Variants in BTLA observed in about 807,000 individuals in gnomAD.
The protein encoded by BTLA is B- and T-lymphocyte attenuator.
In BTLA, 11 loss-of-function variants were observed where a neutral mutation model predicts 25.0. The observed-to-expected ratio is 0.44, with a 90% CI of 0.28 to 0.73. The LOEUF is 0.73. BTLA is among the 30% of genes least tolerant of loss of function. BTLA has a pLI of 0.15. For synonymous variants in BTLA, 104 were observed against 119.8 expected (o/e 0.87, Z 0.86); for missense variants, 282 against 332.8 (o/e 0.85, Z 1.19).
At chr3:112,494,298 C>T (rs2082397096) in intron 1 of BTLA, among the ~76,000 whole-genome samples, 1 of 152,150 alleles carries the variant, frequency 6.6e-6, no homozygotes, top group Admixed American at 6.5e-5. Flanking sequence ...AATGCTTTTA[C>T]ACGGTTGGTG....
At chr3:112,483,505 T>C (rs531021807) in intron 1 of BTLA, among the ~76,000 whole-genome samples, 22 of 152,246 alleles carry the variant, frequency 1.4e-4, no homozygotes, top group Non-Finnish European at 1.8e-4. Flanking sequence ...TACCAGTCTT[T>C]ATTTCTTTCA....
At chr3:112,495,116 A>C (rs898831152) in intron 1 of BTLA, among the ~76,000 whole-genome samples, 9 of 152,344 alleles carry the variant, frequency 5.9e-5, no homozygotes, top group Admixed American at 1.3e-4. Context: ...AATTCACTTA[A>C]TAGTCACAAC....
chr3:112,486,053 C>A (rs868165550), intron 1 of BTLA, among the ~76,000 whole-genome samples: 1 of 152,310 alleles, frequency 6.6e-6, no homozygotes, highest in South Asian at 2.1e-4. Context: ...CGAGGCGGAG[C>A]TTCCAATGAG....
intron 1 of BTLA, among the ~76,000 whole-genome samples, chr3:112,486,232 T>G (rs1371613603): frequency 2.6e-5 from 4 of 152,210 alleles, no homozygotes; most frequent in Non-Finnish European, 5.9e-5. Context: ...TGTTTAAAAT[T>G]TTTATCAAAA....
chr3:112,488,155 C>T (rs557108854), intron 1 of BTLA, among the ~76,000 whole-genome samples: 1 of 152,246 alleles, frequency 6.6e-6, no homozygotes, highest in South Asian at 2.1e-4. Context: ...CTTCTACATT[C>T]CAAACTTGGC....
chr3:112,471,850 T>C (rs754024452), intron 2 of BTLA, among the ~76,000 whole-genome samples: 1 of 152,186 alleles, frequency 6.6e-6, no homozygotes, highest in Non-Finnish European at 1.5e-5. Context: ...TCTCCAAATA[T>C]CAAATACTTT....
chr3:112,497,027 C>T (rs2082413066), intron 1 of BTLA, among the ~76,000 whole-genome samples: 1 of 152,180 alleles, frequency 6.6e-6, no homozygotes, highest in African/African-American at 2.4e-5. Flanking sequence ...GGCTCCCAGC[C>T]ATATTTCATT....
At chr3:112,498,112 C>A (rs767922313) in intron 1 of BTLA, among the ~76,000 whole-genome samples, 2 of 152,094 alleles carry the variant, frequency 1.3e-5, no homozygotes, top group African/African-American at 4.8e-5. Context: ...CTACTTCTTG[C>A]GAAAATGCTC....
In BTLA at chr3:112,499,435, G is replaced by A. The variant is rs1434355304; in HGVS notation, c.-77C>T. 1.0e-5 allele frequency: 13 copies of A among 1,244,142 alleles called. No individual in the cohort carries two copies. The Admixed American group carries it at 2.7e-4, about 25-fold the overall frequency. The allele number at this position is 1,244,142 out of a possible 1,614,324, so 77.1% of individuals were successfully genotyped here. On this transcript the variant is annotated 5_prime_UTR_variant, in exon 1 of 5. Coordinates refer to ENST00000334529, the MANE Select transcript of BTLA (RefSeq NM_181780.4). Reference sequence around the variant, plus strand: ...CGTCTTCTGAGTGCTGCAGAGTTGGGTCAGTTTACCTACCCCAGTGGCATC... The same window carrying A: ...CGTCTTCTGAGTGCTGCAGAGTTGGATCAGTTTACCTACCCCAGTGGCATC...
intron 1 of BTLA, among the ~76,000 whole-genome samples, chr3:112,496,001 A>G (rs1365324871): frequency 3.9e-5 from 6 of 152,200 alleles, no homozygotes; most frequent in Non-Finnish European, 7.3e-5. Flanking sequence ...CCAGACTAGG[A>G]TTGCTTTTTT....
intron 1 of BTLA, among the ~76,000 whole-genome samples, chr3:112,489,518 AGT>A (rs966057391): frequency 6.6e-6 from 1 of 152,254 alleles, no homozygotes; most frequent in African/African-American, 2.4e-5. Flanking sequence ...GAAACTTCAA[AGT>A]GGTTGCAACC....
intron 1 of BTLA, among the ~76,000 whole-genome samples, chr3:112,495,943 ACTGTATT>A (rs2082406809): frequency 6.6e-6 from 1 of 152,166 alleles, no homozygotes; most frequent in South Asian, 2.1e-4. Flanking sequence ...AGCCCTAACC[ACTGTATT>A]CTCAAAAGAG....
rs558570090 is a variant in BTLA at position 112,469,865 on chromosome 3, C to T, written c.548-61G>A. The stretch of plus-strand genomic sequence containing the variant: ...AGTAAAGAAAGCAGAAGTAAACCAC[C>T]TTGCCACCCATGCTTATCCTGTTGA... On this transcript the variant is annotated intron_variant, in intron 3 of 4. Coordinates refer to ENST00000334529, the MANE Select transcript of BTLA (RefSeq NM_181780.4). The T allele has an allele frequency of 4.4e-6, 6 of 1,371,524 alleles. No individual in the cohort carries two copies. The East Asian group carries it at 1.4e-4, about 32-fold the overall frequency. The allele number at this position is 1,371,524 out of a possible 1,614,324, so 85.0% of individuals were successfully genotyped here.
chr3:112,483,323 T>G (rs1181179112), intron 1 of BTLA, among the ~76,000 whole-genome samples: 1 of 151,732 alleles, frequency 6.6e-6, no homozygotes, highest in African/African-American at 2.4e-5. Context: ...TGATTTTGTA[T>G]TTTTAGTAAA....
intron 1 of BTLA, 55 bp from the exon 2 acceptor site, chr3:112,479,824 A>G: frequency 2.2e-6 from 3 of 1,375,940 alleles, no homozygotes; most frequent in Non-Finnish European, 3.0e-6. Context: ...AGTACCATAT[A>G]TATGTGACTT....
At chr3:112,488,228 CTTT>C (rs546779181) in intron 1 of BTLA, among the ~76,000 whole-genome samples, 3 of 124,832 alleles carry the variant, frequency 2.4e-5, no homozygotes, top group African/African-American at 3.1e-5. Flanking sequence ...TTTCTTTTTT[CTTT>C]TTTTTTTTTT....
rs754284133 is a variant in BTLA, at chr3:112,466,292, T to A, written c.686A>T (p.Asp229Val). 15 of 1,613,918 alleles carry A rather than the reference T, an allele frequency of 9.3e-6. No homozygotes were observed. In the East Asian group the frequency reaches 3.1e-4, roughly 34 times the overall value. The change falls in exon 5 of 5, where the codon GAC (aspartate) becomes GTC (valine). Residue 229 changes from aspartate (D) to valine (V), a missense_variant. Physicochemically the swap from Asp to Val is radical, Grantham distance 152. Coordinates refer to ENST00000334529, the MANE Select transcript of BTLA (RefSeq NM_181780.4). Reference protein sequence around the residue: ...LLSETGIYDNDPDLCFRMQEG... With the variant: ...LLSETGIYDNVPDLCFRMQEG... ...CTGCATCCTGAAACAAAGGTCAGGG[T>A]CATTATCATAAATTCCAGTTTCTGA... is the stretch of plus-strand genomic sequence containing the variant.
intron 1 of BTLA, 130 bp from the exon 2 acceptor site, chr3:112,479,899 C>T (rs2082308913): frequency 1.4e-6 from 1 of 690,142 alleles, no homozygotes; most frequent in Non-Finnish European, 2.4e-6. Context: ...GTAATTAAGC[C>T]TTACTAGCAG....
At chr3:112,468,818 T>A (rs556024937) in intron 4 of BTLA, among the ~76,000 whole-genome samples, 3 of 152,288 alleles carry the variant, frequency 2.0e-5, no homozygotes, top group African/African-American at 7.2e-5. Context: ...TAATGAAAAC[T>A]TAATAGAAGT....
Sources: allele counts gnomAD v4.1 joint callset (sites outside exome capture counted in the v4.1 genomes callset), GRCh38; gene constraint gnomAD v4.1.1; transcripts MANE v1.5; gene names NCBI Gene and HGNC (gene_info 2026-07-23, HGNC 2026-07-21).